PDZD2: variants seen among roughly 807,000 people sequenced by gnomAD.
PDZD2 encodes PDZ domain-containing protein 2.
A neutral mutation model predicts 220.7 loss-of-function variants in PDZD2; 90 were observed. The ratio of observed to expected loss-of-function variants is 0.41; its 90% CI spans 0.34 to 0.49. The LOEUF (loss-of-function observed/expected upper bound fraction) is 0.49. Ranked by LOEUF, PDZD2 falls within the 20% of genes least tolerant of loss-of-function variation. The probability of loss-of-function intolerance (pLI) is 0.28; values close to 1 mark genes in which losing one functional copy is unlikely to be tolerated. For synonymous variants in PDZD2, 1,375 were observed against 1,450.5 expected (o/e 0.95, Z 1.18); for missense variants, 3,174 against 3,608.5 (o/e 0.88, Z 3.08).
At chr5:32,011,286 G>A (rs1037724647) in intron 6 of PDZD2, among the ~76,000 whole-genome samples, 2 of 150,430 alleles carry the variant, frequency 1.3e-5, no homozygotes, top group Non-Finnish European at 3.0e-5. Flanking sequence ...CTCAGGAGTC[G>A]GAGACCAGCC....
chr5:31,772,514 C>T, intron 1 of PDZD2, among the ~76,000 whole-genome samples: 1 of 152,158 alleles, frequency 6.6e-6, no homozygotes, highest in East Asian at 1.9e-4. Flanking sequence ...AAATTGCCTT[C>T]CTGAGAAAAT....
intron 1 of PDZD2, among the ~76,000 whole-genome samples, chr5:31,750,020 T>C (rs954611170): frequency 2.6e-5 from 4 of 152,210 alleles, no homozygotes; most frequent in African/African-American, 9.6e-5. Context: ...GGAATCAGGA[T>C]TTCTGGAGAT....
rs780973763 is a variant in PDZD2, at chr5:31,799,262, A to G, written c.14A>G (p.Gln5Arg). 4.1e-5 allele frequency: 65 copies of G among 1,601,246 alleles called. No individual in the cohort carries two copies. Among genetic ancestry groups the G allele is most frequent in the African/African-American group, 5.3e-5 (4 of 74,778 alleles). MPIT[Q>R]DNAVLHLPLL... Reference sequence around the variant, plus strand: ...GGAGTGAGCACCATGCCCATCACCCAGGACAATGCCGTGCTGCACCTGCCC... The same window carrying G: ...GGAGTGAGCACCATGCCCATCACCCGGGACAATGCCGTGCTGCACCTGCCC... The change falls in exon 2 of 25, where the codon CAG becomes CGG. Residue 5 changes from glutamine (Q) to arginine (R), a missense_variant. Gln to Arg is a conservative substitution (Grantham distance 43). This residue lies in a region of PDZD2 where 632 missense variants were observed against 708.1 expected (regional missense o/e 0.89). Transcript: ENST00000438447.
rs748560661 is a variant in PDZD2, at chr5:31,995,707, T to G, written c.1110T>G (p.Gly370=). The change falls in exon 4 of 25, where the codon GGT becomes GGG. Residue 370 remains glycine, a synonymous_variant. Transcript: ENST00000438447. ...AIVVTQVKEG[G]AAHRDGRLSL... Reference sequence around the variant, plus strand: ...TTGTCACTCAAGTGAAGGAAGGAGGTGCCGCTCACAGGTGACTAGATAACT... The same window carrying G: ...TTGTCACTCAAGTGAAGGAAGGAGGGGCCGCTCACAGGTGACTAGATAACT... The G allele has an allele frequency of 4.3e-6, 7 of 1,613,658 alleles. No individual in the cohort carries two copies. The East Asian group carries it at 1.6e-4, about 36-fold the overall frequency.
intron 1 of PDZD2, chr5:31,712,055 G>C (rs1474707892): frequency 1.3e-5 from 2 of 152,764 alleles, no homozygotes; most frequent in Middle Eastern, 3.4e-3. Flanking sequence ...GTGGCGTCTT[G>C]GTCCAGGATG....
Position 32,071,253 on chromosome 5 carries a change from T to C in PDZD2, c.2534-131T>C, listed in dbSNP as rs1273166507. ...CTGCATGCACGTCTAACCCTGTGCA[T>C]GCAGCCCGTCATCAAGCAAAGGGAG... On this transcript the variant is annotated intron_variant, in intron 15 of 24. Coordinates refer to ENST00000438447, the MANE Select transcript of PDZD2 (RefSeq NM_178140.4). The C allele has an allele frequency of 1.2e-5, 9 of 748,630 alleles. No homozygotes were observed. The East Asian group carries it at 2.2e-4, about 18-fold the overall frequency. The allele number at this position is 748,630 out of a possible 1,614,324, so 46.4% of individuals were successfully genotyped here. A position where few individuals can be genotyped will look rare whatever the true frequency, so the allele number is the denominator to read the frequency against.
intron 2 of PDZD2, among the ~76,000 whole-genome samples, chr5:31,806,221 C>G (rs1219467264): frequency 6.6e-6 from 1 of 152,168 alleles, no homozygotes; most frequent in Non-Finnish European, 1.5e-5. Flanking sequence ...TGTGTGTTAA[C>G]TGTGAAAGGA....
At chr5:31,793,618 C>G (rs997548774) in intron 1 of PDZD2, among the ~76,000 whole-genome samples, 3 of 152,130 alleles carry the variant, frequency 2.0e-5, no homozygotes, top group Non-Finnish European at 2.9e-5. Context: ...ACCAGCCTGG[C>G]CAACATGACA....
At chr5:31,933,539 G>A (rs1186533853) in intron 2 of PDZD2, among the ~76,000 whole-genome samples, 1 of 152,068 alleles carries the variant, frequency 6.6e-6, no homozygotes, top group East Asian at 1.9e-4. Context: ...TAGCTTCTGG[G>A]AGAATCTTAG....
chr5:32,031,464 A>G (rs1240254669), intron 6 of PDZD2, among the ~76,000 whole-genome samples: 1 of 152,226 alleles, frequency 6.6e-6, no homozygotes, highest in East Asian at 1.9e-4. Context: ...TTTCAGGCAC[A>G]TGCCTTTAAA....
chr5:32,046,367 T>C (rs1737963376), intron 7 of PDZD2, among the ~76,000 whole-genome samples: 1 of 152,042 alleles, frequency 6.6e-6, no homozygotes, highest in African/African-American at 2.4e-5. Context: ...CTCAGCCTCC[T>C]GAGTAGCTGG....
intron 1 of PDZD2, among the ~76,000 whole-genome samples, chr5:31,707,312 AATT>A (rs58718344): frequency 0.53 from 78,156 of 148,296 alleles, 20,998 homozygotes; most frequent in East Asian, 0.72. Flanking sequence ...TAAATAAATT[AATT>A]AATTAATTAA....
At chr5:31,805,724 C>T (rs1287178497) in intron 2 of PDZD2, among the ~76,000 whole-genome samples, 1 of 152,112 alleles carries the variant, frequency 6.6e-6, no homozygotes, top group Non-Finnish European at 1.5e-5. Flanking sequence ...GAAGTCCTAG[C>T]CCCCAGAATA....
rs916546444 is a variant in PDZD2 at position 32,059,228 on chromosome 5, G to T, written c.2201-11G>T. 1 of 1,470,310 alleles carries T rather than the reference G, an allele frequency of 6.8e-7. No individual in the cohort carries two copies. 91.1% of individuals were successfully genotyped at this position (1,470,310 alleles called of 1,614,324 possible). On this transcript the variant is annotated splice_polypyrimidine_tract_variant and intron_variant, in intron 12 of 24. Coordinates refer to ENST00000438447, the MANE Select transcript of PDZD2 (RefSeq NM_178140.4). ...TTTGTTTTTATTTTCTTTGAATGGTGCCTCTCACAGAGCCAAGAGTTGGAT... is the reference window on the plus strand; with the variant it reads ...TTTGTTTTTATTTTCTTTGAATGGTTCCTCTCACAGAGCCAAGAGTTGGAT...
chr5:31,856,629 GGCACGTAGTA>G (rs1758469599), intron 2 of PDZD2, among the ~76,000 whole-genome samples: 1 of 152,098 alleles, frequency 6.6e-6, no homozygotes, highest in Non-Finnish European at 1.5e-5. Context: ...CGGCGCACCT[GGCACGTAGTA>G]GCGCTTCCCT....
At chr5:31,770,574 G>T (rs534634671) in intron 1 of PDZD2, among the ~76,000 whole-genome samples, 1 of 152,126 alleles carries the variant, frequency 6.6e-6, no homozygotes, top group Non-Finnish European at 1.5e-5. Flanking sequence ...ACAATACTCC[G>T]GGGACCCAGA....
intron 1 of PDZD2, among the ~76,000 whole-genome samples, chr5:31,739,379 G>T (rs1750112288): frequency 6.6e-6 from 1 of 151,982 alleles, no homozygotes; most frequent in Admixed American, 6.6e-5. Context: ...AAAAAAAAAT[G>T]GGCCATAACC....
intron 1 of PDZD2, among the ~76,000 whole-genome samples, chr5:31,666,626 C>G (rs537654700): frequency 2.6e-5 from 4 of 152,308 alleles, no homozygotes; most frequent in African/African-American, 9.6e-5. Context: ...GGGGACTGAG[C>G]TAACCCCATT....
At chr5:31,755,831 G>A (rs1239793845) in intron 1 of PDZD2, among the ~76,000 whole-genome samples, 3 of 152,112 alleles carry the variant, frequency 2.0e-5, no homozygotes. Flanking sequence ...TGTCATGAGT[G>A]GGCAGGAGAG....
Sources: gnomAD v4.1 joint callset for allele counts (sites outside exome capture counted in the v4.1 genomes callset) on GRCh38, gnomAD v4.1.1 for gene constraint, gnomAD v4.1.1 regional missense constraint, MANE v1.5 for transcripts, NCBI Gene and HGNC (gene_info 2026-07-23, HGNC 2026-07-21) for gene names.